HMGCLL1: variants seen among roughly 807,000 people sequenced by gnomAD.
HMGCLL1 encodes 3-hydroxy-3-methylglutaryl-CoA lyase like 1.
Under a neutral mutation model 39.1 loss-of-function variants are expected in HMGCLL1, and 36 were observed. The observed-to-expected ratio is 0.92, with a 90% CI of 0.71 to 1.22. The LOEUF is 1.22. Among genes scored for constraint, HMGCLL1 ranks in the 50% most tolerant of loss-of-function variants. The pLI is 0.00. For synonymous variants in HMGCLL1, 149 were observed against 144.0 expected (o/e 1.03, Z -0.25); for missense variants, 451 against 416.5 (o/e 1.08, Z -0.72).
intron 7 of HMGCLL1, chr6:55,439,800 C>T: frequency 2.8e-6 from 1 of 361,346 alleles, no homozygotes; most frequent in Non-Finnish European, 5.0e-6. Context: ...AATCTTTGAT[C>T]AAAAGTAAAA....
chr6:55,544,491 A>G (rs1769842674), intron 1 of HMGCLL1, among the ~76,000 whole-genome samples: 1 of 152,130 alleles, frequency 6.6e-6, no homozygotes, highest in African/African-American at 2.4e-5. Context: ...CTGTACTTCA[A>G]AAGTTTTTGT....
At chr6:55,632,894 G>T in the HMGCLL1 span, among the ~76,000 whole-genome samples, 1 of 151,950 alleles carries the variant, frequency 6.6e-6, no homozygotes, top group African/African-American at 2.4e-5. Context: ...TTATTGACTG[G>T]CTGGGGATAC....
chr6:55,580,572 C>T (rs956266856), upstream of HMGCLL1, among the ~76,000 whole-genome samples: 6 of 151,782 alleles, frequency 4.0e-5, no homozygotes, highest in Non-Finnish European at 5.9e-5. Flanking sequence ...CCGGCCGCCA[C>T]GCCAGGCTAA....
chr6:55,469,413 T>C (rs573084767), intron 7 of HMGCLL1, among the ~76,000 whole-genome samples: 1 of 145,924 alleles, frequency 6.9e-6, no homozygotes, highest in Non-Finnish European at 1.5e-5. Context: ...GTATATATAC[T>C]TATAAGTATA....
chr6:55,579,229 G>T, upstream of HMGCLL1: 1 of 603,254 alleles, frequency 1.7e-6, no homozygotes, highest in South Asian at 2.0e-5. Flanking sequence ...GGAGTGGGGC[G>T]TGGCAGGTGG....
At chr6:55,664,323 T>G in the HMGCLL1 span, among the ~76,000 whole-genome samples, 1 of 151,768 alleles carries the variant, frequency 6.6e-6, no homozygotes, top group East Asian at 1.9e-4. Context: ...CTTTCCATAT[T>G]TAGTGCTCTT....
chr6:55,619,279 A>C, the HMGCLL1 span, among the ~76,000 whole-genome samples: 1 of 152,108 alleles, frequency 6.6e-6, no homozygotes, highest in Non-Finnish European at 1.5e-5. Context: ...GTGAAAAAAA[A>C]TTATATAAAA....
In HMGCLL1 at chr6:55,435,153, T is replaced by C. The variant is rs1170390899; in HGVS notation, c.*509A>G. 1 of 152,538 alleles carries C rather than the reference T, an allele frequency of 6.6e-6. No homozygotes were observed. The highest frequency in any genetic ancestry group is 1.5e-5 in the Non-Finnish European group (1 of 68,016). The allele number at this position is 152,538 out of a possible 1,614,324, so 9.4% of individuals were successfully genotyped here. A position where few individuals can be genotyped will look rare whatever the true frequency, so the allele number is the denominator to read the frequency against. ...AATATAAAAGTTCTATTGCTAAAATTATGTAGGGTCAGATGGAGATTTGGC... is the reference window on the plus strand; with the variant it reads ...AATATAAAAGTTCTATTGCTAAAATCATGTAGGGTCAGATGGAGATTTGGC... On this transcript the variant is annotated 3_prime_UTR_variant, in exon 9 of 9. Coordinates refer to ENST00000274901, the MANE Select transcript of HMGCLL1 (RefSeq NM_001042406.2).
chr6:55,541,671 A>G, intron 3 of HMGCLL1, 58 bp downstream of exon 3: 1 of 839,068 alleles, frequency 1.2e-6, no homozygotes, highest in Non-Finnish European at 1.9e-6. Context: ...AGTATTTACC[A>G]AATATTTTTT....
chr6:55,463,938 C>T (rs562743540), intron 7 of HMGCLL1, among the ~76,000 whole-genome samples: 1 of 152,248 alleles, frequency 6.6e-6, no homozygotes, highest in East Asian at 1.9e-4. Context: ...GAATATAAAA[C>T]AGGTAGAAGT....
chr6:55,456,979 C>T (rs548549825), intron 7 of HMGCLL1, among the ~76,000 whole-genome samples: 1 of 152,184 alleles, frequency 6.6e-6, no homozygotes, highest in Non-Finnish European at 1.5e-5. Context: ...ATGTTGTGTT[C>T]TAGTTACCTG....
upstream of HMGCLL1, among the ~76,000 whole-genome samples, chr6:55,580,684 G>A (rs1347375099): frequency 2.0e-5 from 3 of 151,968 alleles, no homozygotes; most frequent in Non-Finnish European, 4.4e-5. Flanking sequence ...CAAAGTGCTG[G>A]GATTACAGGG....
the HMGCLL1 span, among the ~76,000 whole-genome samples, chr6:55,604,514 G>A: frequency 1.3e-5 from 2 of 152,004 alleles, no homozygotes; most frequent in Non-Finnish European, 1.5e-5. Context: ...TTTCTAGAAG[G>A]TTTTGATAAA....
chr6:55,677,626 G>A, the HMGCLL1 span, among the ~76,000 whole-genome samples: 1 of 152,120 alleles, frequency 6.6e-6, no homozygotes, highest in African/African-American at 2.4e-5. Flanking sequence ...TCTTTAATTT[G>A]TCAGAGAATA....
intron 3 of HMGCLL1, 121 bp from the exon 4 acceptor site, chr6:55,516,724 T>TA (rs71693355): frequency 5.8e-4 from 298 of 510,076 alleles, no homozygotes; most frequent in South Asian, 1.7e-3. Flanking sequence ...ATATCTGAAA[T>TA]AAAAAAAAAT....
the HMGCLL1 span, among the ~76,000 whole-genome samples, chr6:55,588,472 C>A: frequency 1.3e-5 from 2 of 152,004 alleles, no homozygotes; most frequent in South Asian, 4.1e-4. Context: ...AAAATTGACA[C>A]CCTAACATCA....
At chr6:55,632,987 C>A in the HMGCLL1 span, among the ~76,000 whole-genome samples, 2 of 152,044 alleles carry the variant, frequency 1.3e-5, no homozygotes, top group Non-Finnish European at 1.5e-5. Flanking sequence ...GTCTTGAGTT[C>A]TGTTTGACCC....
intron 8 of HMGCLL1, among the ~76,000 whole-genome samples, chr6:55,438,548 A>T (rs1375025923): frequency 3.9e-5 from 6 of 152,064 alleles, no homozygotes; most frequent in Non-Finnish European, 8.8e-5. Context: ...GTGGTGTCTT[A>T]CTTTCCAGGC....
intron 7 of HMGCLL1, among the ~76,000 whole-genome samples, chr6:55,467,115 T>C (rs1012588494): frequency 6.6e-6 from 1 of 152,054 alleles, no homozygotes; most frequent in Non-Finnish European, 1.5e-5. Context: ...CTGGAATCCT[T>C]GTCTATAAAT....
Sources: allele counts gnomAD v4.1 joint callset (sites outside exome capture counted in the v4.1 genomes callset), GRCh38; gene constraint gnomAD v4.1.1; transcripts MANE v1.5; gene names NCBI Gene and HGNC (gene_info 2026-07-23, HGNC 2026-07-21).